ZNF148: variants seen among roughly 807,000 people sequenced by gnomAD.
ZNF148 encodes zinc finger protein 148.
Under a neutral mutation model 67.7 loss-of-function variants are expected in ZNF148, and 7 were observed. The observed-to-expected ratio is 0.10, with a 90% CI of 0.06 to 0.19. The LOEUF (loss-of-function observed/expected upper bound fraction) is 0.19. Ranked by LOEUF, ZNF148 falls within the 10% of genes least tolerant of loss-of-function variation. The pLI, the probability that ZNF148 is intolerant of heterozygous loss-of-function variation, is 1.00. For missense variants in ZNF148, 583 were observed against 947.1 expected (o/e 0.62, Z 5.05); for synonymous variants, 333 against 330.7 (o/e 1.01, Z -0.08).
chr3:125,322,146 C>T (rs550665867), intron 3 of ZNF148, among the ~76,000 whole-genome samples: 17 of 149,890 alleles, frequency 1.1e-4, no homozygotes, highest in African/African-American at 4.2e-4. Flanking sequence ...TCTCCTGCCT[C>T]AGCCTCCCGA....
At chr3:125,310,733 A>C (rs1027224010) in intron 4 of ZNF148, 26 of 152,242 alleles carry the variant, frequency 1.7e-4, no homozygotes, top group African/African-American at 5.8e-4. Flanking sequence ...GGGGAAATGC[A>C]GAGTTGTTCG....
intron 7 of ZNF148, among the ~76,000 whole-genome samples, chr3:125,269,062 T>C (rs969754050): frequency 6.6e-6 from 1 of 151,896 alleles, no homozygotes; most frequent in African/African-American, 2.4e-5. Flanking sequence ...AAATAAGACA[T>C]ACAAGCAATC....
rs760643798 is a variant in ZNF148 at position 125,233,028 on chromosome 3, T to G, written c.1698A>C (p.Glu566Asp). 21 of 1,613,480 alleles carry G rather than the reference T, an allele frequency of 1.3e-5. No homozygotes were observed. The highest frequency in any genetic ancestry group is 1.8e-5 in the Non-Finnish European group (21 of 1,179,868). ...AATTTATTGATATGCTAGAAGTCAC[T>G]TCAGTATCTGCAACACTGAAGGATA... ...HEISFSVADTEVTSSISINSS... is the reference protein window; with the variant it reads ...HEISFSVADTDVTSSISINSS... Residue 566 changes from glutamate (E) to aspartate (D), a missense_variant, in exon 9 of 9, where the codon GAA (glutamate) becomes GAC (aspartate). By Grantham distance (45) the Glu-to-Asp change is conservative. This residue lies in a region of ZNF148 where 172 missense variants were observed against 307.7 expected (regional missense o/e 0.56). Transcript: ENST00000360647. This position sits in a 1 kb window ranked among gnomAD's most constrained non-coding sequence, Gnocchi z 5.1.
chr3:125,337,179 T>C (rs542888888), intron 1 of ZNF148, among the ~76,000 whole-genome samples: 6 of 152,270 alleles, frequency 3.9e-5, no homozygotes, highest in African/African-American at 1.4e-4. Flanking sequence ...AATTTTCACC[T>C]ACCCTTGACC....
intron 1 of ZNF148, among the ~76,000 whole-genome samples, chr3:125,342,469 G>C (rs1489654853): frequency 6.6e-6 from 1 of 151,710 alleles, no homozygotes; most frequent in Non-Finnish European, 1.5e-5. Flanking sequence ...AAAAATAAAA[G>C]TGGCACAGTA....
intron 7 of ZNF148, among the ~76,000 whole-genome samples, chr3:125,250,710 GT>G (rs1936804643): frequency 6.6e-6 from 1 of 152,106 alleles, no homozygotes; most frequent in Non-Finnish European, 1.5e-5. Flanking sequence ...TTTTTTGTTT[GT>G]TTTTGTTTTT....
chr3:125,305,791 C>CAAAAAAAAAA (rs778876630), intron 4 of ZNF148, among the ~76,000 whole-genome samples: 1 of 81,992 alleles, frequency 1.2e-5, no homozygotes. Context: ...CCAGCACGGG[C>CAAAAAAAAAA]AAAAAAAAAA....
chr3:125,365,267 A>G (rs1234148637), intron 1 of ZNF148, among the ~76,000 whole-genome samples: 1 of 152,168 alleles, frequency 6.6e-6, no homozygotes, highest in African/African-American at 2.4e-5. Flanking sequence ...AGTAAATATA[A>G]AAATATACCC....
At chr3:125,320,018 C>T (rs1360336961) in intron 3 of ZNF148, among the ~76,000 whole-genome samples, 3 of 152,156 alleles carry the variant, frequency 2.0e-5, no homozygotes, top group South Asian at 4.1e-4. Context: ...GAGAACTTTC[C>T]GACACAGAAT....
chr3:125,252,079 C>T (rs780564490), intron 7 of ZNF148, among the ~76,000 whole-genome samples: 31 of 152,154 alleles, frequency 2.0e-4, no homozygotes, highest in Non-Finnish European at 3.8e-4. Context: ...TTTAGATATC[C>T]TTTTTGTGTT....
intron 7 of ZNF148, among the ~76,000 whole-genome samples, chr3:125,269,249 C>T (rs780940082): frequency 4.1e-5 from 6 of 145,402 alleles, no homozygotes; most frequent in Non-Finnish European, 6.0e-5. Flanking sequence ...CAAGTGGTGG[C>T]GTGCACCTGC....
chr3:125,242,409 T>C (rs1936406857), intron 7 of ZNF148, among the ~76,000 whole-genome samples: 1 of 152,128 alleles, frequency 6.6e-6, no homozygotes, highest in Admixed American at 6.5e-5. Context: ...TCACCTGAGG[T>C]CAGGAGTTTG....
intron 7 of ZNF148, among the ~76,000 whole-genome samples, chr3:125,241,126 T>A (rs1465388053): frequency 6.6e-6 from 1 of 152,138 alleles, no homozygotes; most frequent in Admixed American, 6.5e-5. Context: ...TTTTTAAAAT[T>A]TAAGTTTTGC....
chr3:125,291,314 T>C (rs574911671), intron 4 of ZNF148, among the ~76,000 whole-genome samples: 13 of 152,272 alleles, frequency 8.5e-5, no homozygotes, highest in South Asian at 4.1e-4. Flanking sequence ...CAGTGAGGAA[T>C]TGGCAACAGA....
chr3:125,371,396 G>A (rs1942880101), intron 1 of ZNF148, among the ~76,000 whole-genome samples: 2 of 146,004 alleles, frequency 1.4e-5, no homozygotes, highest in East Asian at 2.1e-4. Flanking sequence ...GCAGGGCGAA[G>A]TGGCTCACGC....
intron 1 of ZNF148, among the ~76,000 whole-genome samples, chr3:125,349,085 CTCAAA>C (rs1459526396): frequency 3.3e-5 from 5 of 152,128 alleles, no homozygotes; most frequent in African/African-American, 9.7e-5. Flanking sequence ...TAAAAGTCAA[CTCAAA>C]ATAGATTAGA....
chr3:125,341,666 A>G (rs1361619106), intron 1 of ZNF148, among the ~76,000 whole-genome samples: 1 of 152,160 alleles, frequency 6.6e-6, no homozygotes, highest in African/African-American at 2.4e-5. Context: ...AGACAACTAA[A>G]AAGTACAATA....
rs1394988528 is a variant in ZNF148 at position 125,331,144 on chromosome 3, G to T, written c.-153+14C>A. 2 of 398,396 alleles carry T rather than the reference G, an allele frequency of 5.0e-6. No homozygotes were observed. The highest frequency in any genetic ancestry group is 1.3e-4 in the South Asian group (1 of 7,860). The allele number at this position is 398,396 out of a possible 1,614,324, so 24.7% of individuals were successfully genotyped here. A position where few individuals can be genotyped will look rare whatever the true frequency, so the allele number is the denominator to read the frequency against. On this transcript the variant is annotated intron_variant, in intron 2 of 8. Coordinates refer to ENST00000360647, the MANE Select transcript of ZNF148 (RefSeq NM_021964.3). ...GGTAAAAATTAAAGATTGACTCAAA[G>T]AATGCTGAATTACCTCCATTAAATA... is the stretch of plus-strand genomic sequence containing the variant.
intron 7 of ZNF148, among the ~76,000 whole-genome samples, chr3:125,254,979 G>C (rs1937007786): frequency 6.6e-6 from 1 of 151,862 alleles, no homozygotes; most frequent in African/African-American, 2.4e-5. Context: ...GATCTTGTTA[G>C]ATTTTATAAT....
Sources: gnomAD v4.1 joint callset for allele counts (sites outside exome capture counted in the v4.1 genomes callset) on GRCh38, gnomAD v4.1.1 for gene constraint, gnomAD v4.1.1 regional missense constraint, Gnocchi (gnomAD v3.1) non-coding constraint, MANE v1.5 for transcripts, NCBI Gene and HGNC (gene_info 2026-07-23, HGNC 2026-07-21) for gene names.